Variants in EFEMP1 observed in about 807,000 individuals in gnomAD.
The protein encoded by EFEMP1 is EGF-like fibulin extracellular matrix protein 1.
A neutral mutation model predicts 65.7 loss-of-function variants in EFEMP1; 18 were observed. That is an observed-to-expected ratio of 0.27 (90% CI 0.19 to 0.41). The LOEUF (loss-of-function observed/expected upper bound fraction) is 0.41, where lower values mean the gene tolerates loss of function less well. EFEMP1 is among the 10% of genes least tolerant of loss of function. The probability of loss-of-function intolerance (pLI) is 1.00; values close to 1 mark genes in which losing one functional copy is unlikely to be tolerated. For synonymous variants in EFEMP1, 237 were observed against 219.7 expected (o/e 1.08, Z -0.70); for missense variants, 469 against 624.8 (o/e 0.75, Z 2.66).
chr2:55,889,169 C>T (rs768874774), intron 5 of EFEMP1, among the ~76,000 whole-genome samples: 2 of 152,208 alleles, frequency 1.3e-5, no homozygotes, highest in African/African-American at 2.4e-5. Flanking sequence ...CACTTGAGGT[C>T]GCATAAGCCC....
In EFEMP1 at chr2:55,918,416, A is replaced by G; in HGVS notation, c.82-149T>C. On this transcript the variant is annotated intron_variant, in intron 3 of 11. Coordinates refer to ENST00000355426, the MANE Select transcript of EFEMP1 (RefSeq NM_001039348.3). ...GATGAGATGGGTGGTTTAACATTCT[A>G]TCGCTTTTTTTTCAAAAGACAAGTC... is the stretch of plus-strand genomic sequence containing the variant. 3 of 956,326 alleles carry G rather than the reference A, an allele frequency of 3.1e-6. No homozygotes were observed. In the South Asian group the frequency reaches 4.1e-5, roughly 13 times the overall value. 59.2% of individuals were successfully genotyped at this position (956,326 alleles called of 1,614,324 possible).
intron 6 of EFEMP1, among the ~76,000 whole-genome samples, chr2:55,879,649 C>T (rs1163873958): frequency 1.3e-5 from 2 of 151,964 alleles, no homozygotes; most frequent in African/African-American, 2.4e-5. Context: ...ACAAATTATT[C>T]CATGGAATGA....
intron 5 of EFEMP1, among the ~76,000 whole-genome samples, chr2:55,910,882 T>C (rs1374613853): frequency 6.6e-6 from 1 of 152,192 alleles, no homozygotes; most frequent in African/African-American, 2.4e-5. Context: ...AAGGATACTT[T>C]ACAGTCAAAG....
At chr2:55,881,579 A>T in intron 6 of EFEMP1, 33 bp downstream of exon 6, 1 of 1,612,508 alleles carries the variant, frequency 6.2e-7, no homozygotes, top group Non-Finnish European at 8.5e-7. Context: ...GGTACTCAAG[A>T]CAGGACCGTG....
In EFEMP1 at chr2:55,871,649, G is replaced by A. The variant is rs1668814757; in HGVS notation, c.1001-526C>T. ...GAGTTTTCATGGCTGGGGCAGGGAA[G>A]GCTTTCCAAGCTGAGAAATCAGGAA... On this transcript the variant is annotated intron_variant, in intron 9 of 11. Transcript: ENST00000355426. This position sits in a 1 kb window ranked among gnomAD's most constrained non-coding sequence, Gnocchi z 4.2. Among the ~76,000 whole-genome samples the A allele has an allele frequency of 6.6e-6, 1 of 152,010 alleles. No homozygotes were observed. The highest frequency in any genetic ancestry group is 1.5e-5 in the Non-Finnish European group (1 of 67,980).
Position 55,907,337 on chromosome 2 carries a change from G to T in EFEMP1, c.517+10328C>A, listed in dbSNP as rs577338174. 5.3e-5 allele frequency among the ~76,000 whole-genome samples: 8 copies of T among 152,314 alleles called. No homozygotes were observed. The South Asian group carries it at 1.0e-3, about 20-fold the overall frequency. The stretch of plus-strand genomic sequence containing the variant: ...GGCATAAATAGTTAGAATAAACTAG[G>T]CAAGAAAAGGGGTATTTAGCCTACG... On this transcript the variant is annotated intron_variant, in intron 5 of 11. Transcript: ENST00000355426.
At chr2:55,887,862 A>G (rs1040439645) in intron 5 of EFEMP1, among the ~76,000 whole-genome samples, 32 of 152,236 alleles carry the variant, frequency 2.1e-4, no homozygotes, top group Admixed American at 1.2e-3. Context: ...GTGTTCTATC[A>G]GAACTTTACA....
At chr2:55,868,430 C>T (rs1178734717) in intron 11 of EFEMP1, among the ~76,000 whole-genome samples, 1 of 152,064 alleles carries the variant, frequency 6.6e-6, no homozygotes, top group Non-Finnish European at 1.5e-5. Context: ...AATAGTAAGG[C>T]TCAGTAAGGG....
chr2:55,909,327 C>CA (rs1670395688), intron 5 of EFEMP1, among the ~76,000 whole-genome samples: 1 of 152,164 alleles, frequency 6.6e-6, no homozygotes, highest in African/African-American at 2.4e-5. Flanking sequence ...AATTCATTAG[C>CA]ATTTTGGTGG....
chr2:55,913,947 T>C (rs1670579650), intron 5 of EFEMP1, among the ~76,000 whole-genome samples: 1 of 152,098 alleles, frequency 6.6e-6, no homozygotes, highest in African/African-American at 2.4e-5. Flanking sequence ...AAGGTGGAAG[T>C]TGCAGTGAGC....
chr2:55,892,687 C>T (rs1477487946), intron 5 of EFEMP1, among the ~76,000 whole-genome samples: 3 of 152,092 alleles, frequency 2.0e-5, no homozygotes, highest in Non-Finnish European at 4.4e-5. Context: ...AAAAGAAAAT[C>T]TGGTGGAGAA....
chr2:55,900,526 T>C (rs1669992225), intron 5 of EFEMP1, among the ~76,000 whole-genome samples: 1 of 152,210 alleles, frequency 6.6e-6, no homozygotes, highest in Admixed American at 6.5e-5. Context: ...TGTACTGTGC[T>C]CCATACAGAG....
chr2:55,883,889 A>C lies in EFEMP1; in HGVS notation c.518-2155T>G, dbSNP rs776335737. Among the ~76,000 whole-genome samples, 1 of 152,190 alleles carries C rather than the reference A, an allele frequency of 6.6e-6. No homozygotes were observed. The highest frequency in any genetic ancestry group is 2.4e-5 in the African/African-American group (1 of 41,434). On this transcript the variant is annotated intron_variant, in intron 5 of 11. Transcript: ENST00000355426. This position sits in a 1 kb window ranked among gnomAD's most constrained non-coding sequence, Gnocchi z 4.5. ...ATAAAAATATTAGGTGAGTTAAATT[A>C]ATAAAAACAAACAACAACAAAAAAC...
chr2:55,881,980 T>G (rs1465546303), intron 5 of EFEMP1, among the ~76,000 whole-genome samples: 2 of 152,180 alleles, frequency 1.3e-5, no homozygotes, highest in Non-Finnish European at 1.5e-5. Flanking sequence ...CTCATTTTGT[T>G]TTGTTAAGAA....
chr2:55,891,123 A>C (rs984901080), intron 5 of EFEMP1, among the ~76,000 whole-genome samples: 2 of 152,088 alleles, frequency 1.3e-5, no homozygotes, highest in Admixed American at 1.3e-4. Flanking sequence ...GATCTTGACC[A>C]TGTATTTCCA....
Position 55,885,984 on chromosome 2 carries a change from T to C in EFEMP1, c.518-4250A>G, listed in dbSNP as rs1669407240. ...ATAACTTACCACAACATGGAGTCCCTTTAGCATGTTTTCATGGGCAAAAAT... is the reference window on the plus strand; with the variant it reads ...ATAACTTACCACAACATGGAGTCCCCTTAGCATGTTTTCATGGGCAAAAAT... On this transcript the variant is annotated intron_variant, in intron 5 of 11. Coordinates refer to ENST00000355426, the MANE Select transcript of EFEMP1 (RefSeq NM_001039348.3). The surrounding 1 kb of genome is among the most constrained non-coding windows in gnomAD (Gnocchi z 4.3). Among the ~76,000 whole-genome samples, 1 of 152,218 alleles carries C rather than the reference T, an allele frequency of 6.6e-6. No homozygotes were observed. Among genetic ancestry groups the C allele is most frequent in the South Asian group, 2.1e-4 (1 of 4,832 alleles).
At chr2:55,869,859 A>G (rs1244041041) in intron 11 of EFEMP1, among the ~76,000 whole-genome samples, 1 of 152,054 alleles carries the variant, frequency 6.6e-6, no homozygotes, top group African/African-American at 2.4e-5. Context: ...AATATGTCCA[A>G]ATTTTAACCT....
rs1420070073 is a variant in EFEMP1, at chr2:55,921,995, C to T, written c.81+365G>A. ...TACTTGACTTGAGTCTTATTCTGCA[C>T]GTATTGGTTTTATCTGCATGTGGTA... On this transcript the variant is annotated intron_variant, in intron 3 of 11. Coordinates refer to ENST00000355426, the MANE Select transcript of EFEMP1 (RefSeq NM_001039348.3). This position sits in a 1 kb window ranked among gnomAD's most constrained non-coding sequence, Gnocchi z 4.1. The T allele has an allele frequency of 6.1e-6, 2 of 325,392 alleles. No homozygotes were observed. The highest frequency in any genetic ancestry group is 8.6e-5 in the Admixed American group (2 of 23,292). 20.2% of individuals were successfully genotyped at this position (325,392 alleles called of 1,614,324 possible). A position where few individuals can be genotyped will look rare whatever the true frequency, so the allele number is the denominator to read the frequency against.
intron 9 of EFEMP1, among the ~76,000 whole-genome samples, chr2:55,874,467 T>C (rs1668945313): frequency 6.6e-6 from 1 of 152,104 alleles, no homozygotes; most frequent in Non-Finnish European, 1.5e-5. Flanking sequence ...CTAGTAGTTT[T>C]CTCTAAAATA....
Sources: allele counts gnomAD v4.1 joint callset (sites outside exome capture counted in the v4.1 genomes callset), GRCh38; gene constraint gnomAD v4.1.1; non-coding constraint Gnocchi (gnomAD v3.1); transcripts MANE v1.5; gene names NCBI Gene and HGNC (gene_info 2026-07-23, HGNC 2026-07-21).